The following ZNF131 variants were observed in gnomAD, a reference collection of about 807,000 sequenced individuals.
ZNF131 encodes the protein zinc finger and BTB domain containing 35, also known as zinc finger protein 131.
A neutral mutation model predicts 60.0 loss-of-function variants in ZNF131; 7 were observed. That is an observed-to-expected ratio of 0.12 (90% CI 0.07 to 0.22). The LOEUF (loss-of-function observed/expected upper bound fraction) is 0.22, where lower values mean the gene tolerates loss of function less well. ZNF131 is among the 10% of genes least tolerant of loss of function. ZNF131 has a pLI of 1.00. For missense variants in ZNF131, 493 were observed against 740.9 expected, an observed-to-expected ratio of 0.67 and a Z score of 3.88; for synonymous variants, 257 against 253.2, an observed-to-expected ratio of 1.01 and a Z score of -0.14.
intron 3 of ZNF131, among the ~76,000 whole-genome samples, chr5:43,129,769 C>T (rs1267435672): frequency 6.6e-6 from 1 of 152,156 alleles, no homozygotes; most frequent in Admixed American, 6.5e-5. Context: ...GTTCTCCTGC[C>T]TCAGCCTCCC....
Position 43,161,709 on chromosome 5 carries a change from G to A in ZNF131, c.832G>A (p.Glu278Lys), listed in dbSNP as rs1358473115. 1 of 1,614,208 alleles carries A rather than the reference G, an allele frequency of 6.2e-7. No individual in the cohort carries two copies. The highest frequency in any genetic ancestry group is 1.7e-5 in the Admixed American group (1 of 60,028). The change falls in exon 5 of 7, where the codon GAG becomes AAG. Residue 278 changes from glutamate to lysine, a missense_variant. Coordinates refer to ENST00000682664, the MANE Select transcript of ZNF131 (RefSeq NM_001330707.2). Reference protein sequence around the residue: ...RSFKLFYHFKEHMKSHSTESF... With the variant: ...RSFKLFYHFKKHMKSHSTESF... ...ATTTAAATTGTTTTACCATTTTAAG[G>A]AGCACATGAAATCACACTCCACTGA...
chr5:43,176,264 T>A lies in ZNF131; in HGVS notation c.*1131T>A, dbSNP rs534335149. 6.6e-6 allele frequency: 1 copy of A among 152,226 alleles called. No individual in the cohort carries two copies. The highest frequency in any genetic ancestry group is 1.5e-5 in the Non-Finnish European group (1 of 68,032). The allele number at this position is 152,226 out of a possible 1,614,324, so 9.4% of individuals were successfully genotyped here. A position where few individuals can be genotyped will look rare whatever the true frequency, so the allele number is the denominator to read the frequency against. Reference sequence around the variant, plus strand: ...AAACCCATAGACCAATATGCTATTTTTTTTACCTGTTAAATATTGGGAGTT... The same window carrying A: ...AAACCCATAGACCAATATGCTATTTATTTTACCTGTTAAATATTGGGAGTT... On this transcript the variant is annotated 3_prime_UTR_variant, in exon 7 of 7. Transcript: ENST00000682664.
chr5:43,165,519 A>G (rs1016479289), intron 5 of ZNF131, among the ~76,000 whole-genome samples: 4 of 152,192 alleles, frequency 2.6e-5, no homozygotes, highest in Admixed American at 2.6e-4. Context: ...GACCAGCTGC[A>G]TTGTCAGTGA....
chr5:43,140,125 G>C (rs142448081), intron 4 of ZNF131, among the ~76,000 whole-genome samples: 1 of 14,316 alleles, frequency 7.0e-5, no homozygotes, highest in Non-Finnish European at 1.6e-4. Context: ...TGAGGTGGGA[G>C]GGGAGGATCA....
At chr5:43,132,071 G>A (rs1745436465) in intron 3 of ZNF131, among the ~76,000 whole-genome samples, 1 of 152,188 alleles carries the variant, frequency 6.6e-6, no homozygotes, top group South Asian at 2.1e-4. Context: ...TATATAGTAA[G>A]TGTTACGTAT....
intron 4 of ZNF131, among the ~76,000 whole-genome samples, chr5:43,160,256 A>C (rs1245039105): frequency 2.0e-5 from 3 of 151,752 alleles, no homozygotes; most frequent in Non-Finnish European, 4.4e-5. Context: ...TAATCCTAGT[A>C]CTCTGGGAGG....
chr5:43,128,469 CAG>C (rs1445507403), intron 3 of ZNF131, among the ~76,000 whole-genome samples: 1 of 151,922 alleles, frequency 6.6e-6, no homozygotes, highest in Non-Finnish European at 1.5e-5. Context: ...TCCTGGCTGA[CAG>C]AGTGAAACCC....
intron 4 of ZNF131, among the ~76,000 whole-genome samples, chr5:43,157,829 T>C (rs1421205497): frequency 6.6e-6 from 1 of 152,214 alleles, no homozygotes; most frequent in East Asian, 1.9e-4. Context: ...TCTTGGCTTA[T>C]GGTAGCAGAA....
intron 5 of ZNF131, among the ~76,000 whole-genome samples, chr5:43,170,208 A>G (rs565164618): frequency 4.6e-5 from 7 of 152,356 alleles, no homozygotes; most frequent in African/African-American, 1.7e-4. Flanking sequence ...TTGGGAGTTG[A>G]AAAGAGTTTC....
At chr5:43,133,305 A>C (rs1460567361) in intron 3 of ZNF131, among the ~76,000 whole-genome samples, 1 of 152,040 alleles carries the variant, frequency 6.6e-6, no homozygotes, top group Non-Finnish European at 1.5e-5. Flanking sequence ...CTCTACTAAA[A>C]ATACAAAAAA....
intron 3 of ZNF131, among the ~76,000 whole-genome samples, chr5:43,126,140 C>G (rs539334122): frequency 1.3e-5 from 2 of 152,312 alleles, no homozygotes; most frequent in South Asian, 2.1e-4. Flanking sequence ...CTGGCTTTAA[C>G]TGTTTGTGTG....
Position 43,122,061 on chromosome 5 carries a change from C to T in ZNF131, c.8C>T (p.Ala3Val). The change falls in exon 2 of 7, where the codon GCT becomes GTT. Residue 3 changes from alanine (A) to valine (V), a missense_variant. Ala to Val is a moderately conservative substitution (Grantham distance 64). Transcript: ENST00000682664. ME[A>V]EETMECLQEF... ...TAGAGCAGCCCGACGGCCATGGAGG[C>T]TGAAGAGACGATGGAATGCCTTCAG... 1 of 1,613,992 alleles carries T rather than the reference C, an allele frequency of 6.2e-7. No homozygotes were observed. Among genetic ancestry groups the T allele is most frequent in the Non-Finnish European group, 8.5e-7 (1 of 1,180,010 alleles).
intron 4 of ZNF131, among the ~76,000 whole-genome samples, chr5:43,154,537 A>G (rs1748728650): frequency 6.6e-6 from 1 of 152,206 alleles, no homozygotes; most frequent in Non-Finnish European, 1.5e-5. Flanking sequence ...TCTGTGTGTT[A>G]TGTGATCCTT....
chr5:43,158,733 T>G (rs1421861578), intron 4 of ZNF131, among the ~76,000 whole-genome samples: 1 of 152,222 alleles, frequency 6.6e-6, no homozygotes, highest in Non-Finnish European at 1.5e-5. Context: ...GAGGGCCATT[T>G]ATTGCTTTGT....
chr5:43,171,727 G>T (rs1241490969), intron 5 of ZNF131, among the ~76,000 whole-genome samples: 1 of 152,084 alleles, frequency 6.6e-6, no homozygotes, highest in African/African-American at 2.4e-5. Flanking sequence ...GGTTCAAGCA[G>T]TTCTGTCTCA....
intron 4 of ZNF131, among the ~76,000 whole-genome samples, chr5:43,161,028 A>G (rs141891781): frequency 3.3e-5 from 5 of 152,126 alleles, no homozygotes; most frequent in African/African-American, 9.6e-5. Flanking sequence ...GCGTGGGTCT[A>G]TTTCCATGGA....
chr5:43,125,831 A>G (rs1744480538), intron 3 of ZNF131, among the ~76,000 whole-genome samples: 1 of 152,090 alleles, frequency 6.6e-6, no homozygotes, highest in Non-Finnish European at 1.5e-5. Flanking sequence ...TGTTGCTGGT[A>G]GAATGAGCAC....
intron 3 of ZNF131, among the ~76,000 whole-genome samples, chr5:43,130,635 G>A (rs1212348939): frequency 2.6e-5 from 4 of 152,020 alleles, no homozygotes; most frequent in Non-Finnish European, 4.4e-5. Flanking sequence ...TGTGATCTCG[G>A]CTCACCGCAA....
At chr5:43,124,056 C>G (rs567263566) in intron 3 of ZNF131, 7 of 152,124 alleles carry the variant, frequency 4.6e-5, no homozygotes, top group African/African-American at 1.7e-4. Flanking sequence ...CCCAGGAGTT[C>G]GAGGCCAGCC....
Sources: gnomAD v4.1 joint callset for allele counts (sites outside exome capture counted in the v4.1 genomes callset) on GRCh38, gnomAD v4.1.1 for gene constraint, MANE v1.5 for transcripts, NCBI Gene and HGNC (gene_info 2026-07-23, HGNC 2026-07-21) for gene names.